The following DLC1 variants were observed in gnomAD, a reference collection of about 807,000 sequenced individuals.
DLC1 encodes rho GTPase-activating protein 7.
In DLC1, 54 loss-of-function variants were observed where a neutral mutation model predicts 140.3. The ratio of observed to expected loss-of-function variants is 0.38; its 90% CI spans 0.31 to 0.48. The LOEUF is 0.48. Among genes scored for constraint, DLC1 ranks in the 20% least tolerant of loss-of-function variants. The probability of loss-of-function intolerance (pLI) is 0.96; values close to 1 mark genes in which losing one functional copy is unlikely to be tolerated. For missense variants in DLC1, 2,536 were observed against 1,907.0 expected, an observed-to-expected ratio of 1.33 and a Z score of -6.14; for synonymous variants, 986 against 728.1, an observed-to-expected ratio of 1.35 and a Z score of -5.70.
chr8:13,413,571 C>G (rs1050042652), intron 2 of DLC1, among the ~76,000 whole-genome samples: 1 of 151,576 alleles, frequency 6.6e-6, no homozygotes, highest in Non-Finnish European at 1.5e-5. Context: ...GGCTTTGTGC[C>G]CCACCCAAAT....
chr8:13,305,477 A>C (rs576510310), intron 4 of DLC1, among the ~76,000 whole-genome samples, 175 bp from the exon 5 acceptor site: 6 of 152,322 alleles, frequency 3.9e-5, no homozygotes, highest in Admixed American at 2.0e-4. Context: ...GATAACTGTA[A>C]ATCATCTTCT....
chr8:13,230,950 T>A (rs1334849814), intron 5 of DLC1, among the ~76,000 whole-genome samples: 4 of 152,084 alleles, frequency 2.6e-5, no homozygotes, highest in Non-Finnish European at 4.4e-5. Flanking sequence ...AGAAGAAACA[T>A]CACACCAAAG....
At chr8:13,351,900 C>T (rs1162169937) in intron 4 of DLC1, among the ~76,000 whole-genome samples, 1 of 151,998 alleles carries the variant, frequency 6.6e-6, no homozygotes, top group Non-Finnish European at 1.5e-5. Context: ...ATAACATATC[C>T]ATTAATGCAG....
chr8:13,367,391 T>G (rs1835537447), intron 4 of DLC1, among the ~76,000 whole-genome samples: 1 of 152,212 alleles, frequency 6.6e-6, no homozygotes, highest in African/African-American at 2.4e-5. Flanking sequence ...GACAGCCTCC[T>G]GTTCTTAGGT....
intron 1 of DLC1, among the ~76,000 whole-genome samples, chr8:13,510,332 C>A (rs932160804): frequency 6.6e-6 from 1 of 152,044 alleles, no homozygotes; most frequent in Non-Finnish European, 1.5e-5. Context: ...TGCTACCATG[C>A]CTGGCTAAAG....
At chr8:13,170,729 C>CA (rs1179460110) in intron 5 of DLC1, among the ~76,000 whole-genome samples, 8,036 of 62,108 alleles carry the variant, frequency 0.13, 385 homozygotes, top group Non-Finnish European at 0.15. Flanking sequence ...GACTCCATCT[C>CA]AAAAAAAAAA....
chr8:13,552,202 T>C (rs773108953), intron 1 of DLC1, among the ~76,000 whole-genome samples: 1 of 144,224 alleles, frequency 6.9e-6, no homozygotes, highest in East Asian at 2.0e-4. Flanking sequence ...TGTCTAGAGG[T>C]GTATATATAT....
intron 5 of DLC1, among the ~76,000 whole-genome samples, chr8:13,260,547 C>T (rs2117328216): frequency 6.6e-6 from 1 of 152,146 alleles, no homozygotes; most frequent in South Asian, 2.1e-4. Context: ...GCATGATACC[C>T]ATCTACTGGA....
At chr8:13,320,941 C>G (rs181271509) in intron 4 of DLC1, among the ~76,000 whole-genome samples, 2 of 152,302 alleles carry the variant, frequency 1.3e-5, no homozygotes, top group African/African-American at 4.8e-5. Flanking sequence ...TTGCTGCACA[C>G]ACCAGCTCCC....
intron 1 of DLC1, among the ~76,000 whole-genome samples, chr8:13,572,405 G>T (rs1804693280): frequency 6.6e-6 from 1 of 152,136 alleles, no homozygotes; most frequent in South Asian, 2.1e-4. Context: ...TCAGATATAT[G>T]ATTTGCAAGT....
At chr8:13,531,975 C>T (rs190156003) in intron 1 of DLC1, among the ~76,000 whole-genome samples, 20 of 152,280 alleles carry the variant, frequency 1.3e-4, no homozygotes, top group African/African-American at 2.4e-4. Flanking sequence ...CAAGACTCTC[C>T]GCTCCCGGCA....
intron 5 of DLC1, among the ~76,000 whole-genome samples, chr8:13,283,330 A>G (rs192176040): frequency 5.9e-5 from 9 of 152,154 alleles, no homozygotes; most frequent in Non-Finnish European, 1.2e-4. Flanking sequence ...ACACACAGAA[A>G]AGAAATCAAC....
intron 5 of DLC1, among the ~76,000 whole-genome samples, chr8:13,192,153 G>T (rs921669187): frequency 5.3e-5 from 8 of 151,776 alleles, no homozygotes; most frequent in Non-Finnish European, 1.2e-4. Context: ...GTTTTACCAT[G>T]TTGGCCAGGC....
chr8:13,179,742 A>G lies in DLC1; in HGVS notation c.1349-64085T>C, dbSNP rs554762832. Among the ~76,000 whole-genome samples the G allele has an allele frequency of 2.6e-5, 4 of 152,172 alleles. No homozygotes were observed. In the East Asian group the frequency reaches 7.7e-4, roughly 29 times the overall value. On this transcript the variant is annotated intron_variant, in intron 5 of 17. Coordinates refer to ENST00000276297, the MANE Select transcript of DLC1 (RefSeq NM_182643.3). The stretch of plus-strand genomic sequence containing the variant: ...TCTCAAAAAAACAAAAACACACAGA[A>G]AAAACACCCCAGGAAGCTAATTACC...
intron 4 of DLC1, among the ~76,000 whole-genome samples, chr8:13,339,139 A>T (rs1620120): frequency 0.93 from 141,001 of 152,226 alleles, 65,927 homozygotes; most frequent in East Asian, 1. Flanking sequence ...AATAGGAATT[A>T]TGCAAACCAA....
At chr8:13,106,412 A>G (rs1298803628) in intron 7 of DLC1, among the ~76,000 whole-genome samples, 1 of 152,170 alleles carries the variant, frequency 6.6e-6, no homozygotes, top group African/African-American at 2.4e-5. Flanking sequence ...CAATGGTGCT[A>G]TCATGGCACA....
intron 5 of DLC1, among the ~76,000 whole-genome samples, chr8:13,272,157 A>T (rs2117385788): frequency 6.6e-6 from 1 of 151,444 alleles, no homozygotes; most frequent in Admixed American, 6.6e-5. Context: ...TTAAATAAAG[A>T]CTAGTATTGG....
chr8:13,458,554 T>C (rs1265338773), intron 2 of DLC1, among the ~76,000 whole-genome samples: 2 of 152,236 alleles, frequency 1.3e-5, no homozygotes, highest in Non-Finnish European at 2.9e-5. Context: ...AATAATACTT[T>C]GCTCTCTGTT....
At chr8:13,204,371 G>A (rs1011749618) in intron 5 of DLC1, among the ~76,000 whole-genome samples, 1 of 152,134 alleles carries the variant, frequency 6.6e-6, no homozygotes, top group African/African-American at 2.4e-5. Flanking sequence ...CCAATGTAAT[G>A]AGAACCGCTA....
Sources: gnomAD v4.1 joint callset for allele counts (sites outside exome capture counted in the v4.1 genomes callset) on GRCh38, gnomAD v4.1.1 for gene constraint, MANE v1.5 for transcripts, NCBI Gene and HGNC (gene_info 2026-07-23, HGNC 2026-07-21) for gene names.